PTPRD: variants seen among roughly 807,000 people sequenced by gnomAD.
PTPRD encodes protein tyrosine phosphatase receptor type D.
Under a neutral mutation model 214.5 loss-of-function variants are expected in PTPRD, and 34 were observed. The ratio of observed to expected loss-of-function variants is 0.16; its 90% confidence interval spans 0.12 to 0.21. The LOEUF is 0.21. Ranked by LOEUF, PTPRD falls within the 10% of genes least tolerant of loss-of-function variation. The pLI is 1.00. For synonymous variants in PTPRD, 1,128 were observed against 845.7 expected, an observed-to-expected ratio of 1.33 and a Z score of -5.79; for missense variants, 2,545 against 2,398.7, an observed-to-expected ratio of 1.06 and a Z score of -1.27.
rs749709602 is a variant in PTPRD, at chr9:9,208,020, C to CT, written c.-202-24658dup. ...TGGTATGGCTATTCATATATATCTGCTTTTTTTTTTTTTTTTTGAGACAGA... is the reference window on the plus strand; with the variant it reads ...TGGTATGGCTATTCATATATATCTGCTTTTTTTTTTTTTTTTTTGAGACAGA... On this transcript the variant is annotated intron_variant, in intron 9 of 45. Coordinates refer to ENST00000381196, the MANE Select transcript of PTPRD (RefSeq NM_002839.4). Among the ~76,000 whole-genome samples, 273 of 53,266 alleles carry CT rather than the reference C, an allele frequency of 5.1e-3. 71 individuals carry two copies. In the East Asian group the frequency reaches 0.064, roughly 13 times the overall value. The allele number at this position is 53,266 out of a possible 152,430, so 34.9% of individuals were successfully genotyped here. A position where few individuals can be genotyped will look rare whatever the true frequency, so the allele number is the denominator to read the frequency against.
At chr9:9,351,986 G>A (rs916699104) in intron 9 of PTPRD, among the ~76,000 whole-genome samples, 6 of 151,860 alleles carry the variant, frequency 4.0e-5, no homozygotes, top group Admixed American at 2.0e-4. Flanking sequence ...TCTTCATTCT[G>A]ATATGCAAAT....
chr9:9,337,911 C>T (rs1485661594), intron 9 of PTPRD, among the ~76,000 whole-genome samples: 1 of 152,148 alleles, frequency 6.6e-6, no homozygotes, highest in African/African-American at 2.4e-5. Flanking sequence ...TAATAAAATG[C>T]AACCATAAAA....
intron 3 of PTPRD, among the ~76,000 whole-genome samples, chr9:10,295,720 G>A (rs2095654628): frequency 6.6e-6 from 1 of 152,010 alleles, no homozygotes; most frequent in Non-Finnish European, 1.5e-5. Flanking sequence ...ATTAAAGTAT[G>A]AACTTTATGA....
chr9:9,282,565 C>A (rs191930140), intron 9 of PTPRD, among the ~76,000 whole-genome samples: 83 of 151,396 alleles, frequency 5.5e-4, no homozygotes, highest in African/African-American at 2.0e-3. Flanking sequence ...AGGTTTGATT[C>A]TGACTGCATA....
At chr9:10,050,663 CA>C (rs1387639788) in intron 3 of PTPRD, among the ~76,000 whole-genome samples, 2 of 142,478 alleles carry the variant, frequency 1.4e-5, no homozygotes, top group Non-Finnish European at 3.0e-5. Context: ...AGGAAATGTT[CA>C]AAATATGTAA....
intron 9 of PTPRD, among the ~76,000 whole-genome samples, chr9:9,210,816 A>G (rs549834284): frequency 6.6e-6 from 1 of 151,872 alleles, no homozygotes; most frequent in East Asian, 1.9e-4. Flanking sequence ...CCTGGCACAA[A>G]TGTATCTTTA....
intron 5 of PTPRD, among the ~76,000 whole-genome samples, chr9:9,905,629 A>C (rs2077380286): frequency 6.6e-6 from 1 of 152,006 alleles, no homozygotes; most frequent in Admixed American, 6.6e-5. Flanking sequence ...TACAAATGAC[A>C]TGCTATAAAA....
chr9:8,846,548 T>C (rs371331429), intron 11 of PTPRD, among the ~76,000 whole-genome samples: 4 of 152,174 alleles, frequency 2.6e-5, no homozygotes, highest in Non-Finnish European at 5.9e-5. Flanking sequence ...GGAAATTTTC[T>C]AGGAAGAGTT....
intron 5 of PTPRD, among the ~76,000 whole-genome samples, chr9:9,813,670 G>A (rs1051839226): frequency 2.0e-5 from 3 of 152,004 alleles, no homozygotes; most frequent in African/African-American, 4.8e-5. Context: ...ACGTCCTCAC[G>A]AATGAATTCA....
At chr9:9,698,903 C>T (rs1191596271) in intron 7 of PTPRD, among the ~76,000 whole-genome samples, 1 of 152,136 alleles carries the variant, frequency 6.6e-6, no homozygotes, top group Non-Finnish European at 1.5e-5. Context: ...TCTGTAGCCT[C>T]AGATGCTGTC....
chr9:10,334,186 CAAAG>C (rs2096801356), intron 3 of PTPRD, among the ~76,000 whole-genome samples: 1 of 151,420 alleles, frequency 6.6e-6, no homozygotes, highest in Non-Finnish European at 1.5e-5. Flanking sequence ...ACTTAGTTAA[CAAAG>C]AAGACTCTGA....
intron 5 of PTPRD, among the ~76,000 whole-genome samples, chr9:9,923,150 A>G (rs2382066): frequency 0.25 from 30,562 of 121,276 alleles, 3,913 homozygotes; most frequent in Middle Eastern, 0.43. Context: ...GTGTGTGTGT[A>G]TGTACAGAAA....
At chr9:10,048,301 C>A (rs1263070269) in intron 3 of PTPRD, among the ~76,000 whole-genome samples, 1 of 152,016 alleles carries the variant, frequency 6.6e-6, no homozygotes. Flanking sequence ...CAGTTCTGGT[C>A]AATAAGTACT....
At chr9:10,518,553 G>C (rs1412738672) in intron 2 of PTPRD, among the ~76,000 whole-genome samples, 1 of 148,462 alleles carries the variant, frequency 6.7e-6, no homozygotes, top group Non-Finnish European at 1.5e-5. Flanking sequence ...TTTTTTTTGA[G>C]ACGGAGTCTC....
At chr9:9,993,320 C>T (rs756296870) in intron 4 of PTPRD, among the ~76,000 whole-genome samples, 40 of 152,088 alleles carry the variant, frequency 2.6e-4, no homozygotes, top group Admixed American at 6.5e-4. Flanking sequence ...AAAGAGCAAA[C>T]GATAAACATG....
intron 8 of PTPRD, among the ~76,000 whole-genome samples, chr9:9,501,615 T>C (rs1338483490): frequency 6.6e-6 from 1 of 151,918 alleles, no homozygotes; most frequent in Non-Finnish European, 1.5e-5. Flanking sequence ...TAGATTTTCT[T>C]TCCAAGTGCG....
At chr9:9,771,308 A>C (rs1471569819) in intron 5 of PTPRD, among the ~76,000 whole-genome samples, 2 of 152,178 alleles carry the variant, frequency 1.3e-5, no homozygotes, top group African/African-American at 4.8e-5. Context: ...ACACATTCAT[A>C]AGTGTGTGTA....
chr9:8,392,296 C>T (rs1464168566), intron 36 of PTPRD, among the ~76,000 whole-genome samples: 1 of 151,900 alleles, frequency 6.6e-6, no homozygotes, highest in African/African-American at 2.4e-5. Flanking sequence ...GAGGCTGAGG[C>T]AGGAAGATTT....
At chr9:10,171,201 T>A (rs551159646) in intron 3 of PTPRD, among the ~76,000 whole-genome samples, 4 of 152,180 alleles carry the variant, frequency 2.6e-5, no homozygotes. Context: ...ATTTTACCCA[T>A]TGATATGGTT....
Sources: gnomAD v4.1 joint callset for allele counts (sites outside exome capture counted in the v4.1 genomes callset) on GRCh38, gnomAD v4.1.1 for gene constraint, MANE v1.5 for transcripts, NCBI Gene and HGNC (gene_info 2026-07-23, HGNC 2026-07-21) for gene names.